RBMS3: variants seen among roughly 807,000 people sequenced by gnomAD.
RBMS3 encodes the protein RNA binding motif single stranded interacting protein 3.
A neutral mutation model predicts 66.8 loss-of-function variants in RBMS3; 27 were observed. The ratio of observed to expected loss-of-function variants is 0.40; its 90% CI spans 0.30 to 0.56. The LOEUF (loss-of-function observed/expected upper bound fraction) is 0.56. Among genes scored for constraint, RBMS3 ranks in the 20% least tolerant of loss-of-function variants. The probability of loss-of-function intolerance (pLI) is 0.40; values close to 1 mark genes in which losing one functional copy is unlikely to be tolerated. For synonymous variants in RBMS3, 188 were observed against 183.0 expected, an observed-to-expected ratio of 1.03 and a Z score of -0.22; for missense variants, 513 against 549.5, an observed-to-expected ratio of 0.93 and a Z score of 0.66.
At chr3:29,691,947 C>CTCTCTTTTTTTTTTTT (rs1218393454) in intron 4 of RBMS3, among the ~76,000 whole-genome samples, 1 of 53,546 alleles carries the variant, frequency 1.9e-5, no homozygotes, top group African/African-American at 7.5e-5. Flanking sequence ...CTCTCTCTCT[C>CTCTCTTTTTTTTTTTT]TATTTTTTTT....
intron 3 of RBMS3, among the ~76,000 whole-genome samples, chr3:29,517,658 T>C (rs2044698369): frequency 6.6e-6 from 1 of 152,182 alleles, no homozygotes; most frequent in Non-Finnish European, 1.5e-5. Flanking sequence ...GACAGTTGTC[T>C]ACTGCTACTG....
chr3:29,302,527 A>T (rs1483137931), intron 1 of RBMS3, among the ~76,000 whole-genome samples: 1 of 151,974 alleles, frequency 6.6e-6, no homozygotes, highest in Non-Finnish European at 1.5e-5. Flanking sequence ...GAAAAAAAAT[A>T]TATATGTATA....
At chr3:29,698,658 C>A in intron 4 of RBMS3, 1 of 974,366 alleles carries the variant, frequency 1.0e-6, no homozygotes, top group Non-Finnish European at 1.2e-6. Context: ...CCCAAGTCTT[C>A]TCATTTGCTT....
chr3:29,611,745 A>T (rs1430962495), intron 4 of RBMS3, among the ~76,000 whole-genome samples: 4 of 151,970 alleles, frequency 2.6e-5, no homozygotes, highest in African/African-American at 7.3e-5. Context: ...ATTAAAACAT[A>T]TTTTTAGGAA....
At chr3:29,980,302 G>A (rs530993794) in intron 12 of RBMS3, among the ~76,000 whole-genome samples, 159 of 152,286 alleles carry the variant, frequency 1.0e-3, no homozygotes, top group African/African-American at 3.6e-3. Context: ...TTGTAAATGT[G>A]TGTAAGTTAC....
chr3:29,698,933 C>T (rs1051529811), intron 4 of RBMS3, among the ~76,000 whole-genome samples: 4 of 152,124 alleles, frequency 2.6e-5, no homozygotes, highest in African/African-American at 7.2e-5. Context: ...GCTTTCTTCA[C>T]ATAACAACAT....
intron 3 of RBMS3, among the ~76,000 whole-genome samples, chr3:29,502,313 C>A (rs762632174): frequency 2.6e-5 from 4 of 152,056 alleles, no homozygotes; most frequent in Admixed American, 1.3e-4. Flanking sequence ...TGTCAAACAT[C>A]AAATGGTCAT....
intron 8 of RBMS3, among the ~76,000 whole-genome samples, chr3:29,890,189 T>A (rs1266188613): frequency 6.6e-6 from 1 of 151,638 alleles, no homozygotes; most frequent in African/African-American, 2.4e-5. Flanking sequence ...ACATTCCCAG[T>A]AGTAGGACAC....
At chr3:29,680,596 T>G (rs144154146) in intron 4 of RBMS3, among the ~76,000 whole-genome samples, 1 of 152,276 alleles carries the variant, frequency 6.6e-6, no homozygotes, top group East Asian at 1.9e-4. Context: ...AGGCATATAT[T>G]GTAAAATTTC....
chr3:29,564,176 T>A (rs2149053998), intron 3 of RBMS3, among the ~76,000 whole-genome samples: 1 of 152,162 alleles, frequency 6.6e-6, no homozygotes, highest in South Asian at 2.1e-4. Context: ...CTAATCTATA[T>A]TACAATAAAT....
chr3:29,302,037 T>C (rs2033709012), intron 1 of RBMS3, among the ~76,000 whole-genome samples: 2 of 151,974 alleles, frequency 1.3e-5, no homozygotes, highest in Non-Finnish European at 2.9e-5. Context: ...TTGAAGACAG[T>C]CTTACTCTGT....
At chr3:29,861,204 T>G (rs930282154) in intron 6 of RBMS3, among the ~76,000 whole-genome samples, 1 of 152,184 alleles carries the variant, frequency 6.6e-6, no homozygotes, top group African/African-American at 2.4e-5. Context: ...TAACTTTTAG[T>G]TTTTGAGATT....
chr3:29,874,261 A>G (rs2059558677), intron 7 of RBMS3, among the ~76,000 whole-genome samples: 1 of 152,212 alleles, frequency 6.6e-6, no homozygotes, highest in African/African-American at 2.4e-5. Context: ...TTTCAGAGAC[A>G]TAGAATTAAA....
At chr3:29,879,117 C>A (rs886938043) in intron 7 of RBMS3, among the ~76,000 whole-genome samples, 2 of 152,188 alleles carry the variant, frequency 1.3e-5, no homozygotes, top group Admixed American at 6.5e-5. Flanking sequence ...TTATACTACG[C>A]CAGTATTTTA....
At chr3:29,868,803 C>A in intron 6 of RBMS3, 55 bp from the exon 7 acceptor site, 1 of 1,395,388 alleles carries the variant, frequency 7.2e-7, no homozygotes, top group Non-Finnish European at 1.0e-6. Flanking sequence ...CTCACATAAT[C>A]ACTTAGTTTT....
intron 1 of RBMS3, among the ~76,000 whole-genome samples, chr3:29,355,580 T>C (rs149609844): frequency 1.3e-5 from 2 of 152,114 alleles, no homozygotes; most frequent in Admixed American, 6.6e-5. Context: ...GAAAAAATGT[T>C]GATGATACCT....
intron 3 of RBMS3, among the ~76,000 whole-genome samples, chr3:29,555,008 A>G (rs1302534026): frequency 2.6e-5 from 4 of 152,204 alleles, no homozygotes; most frequent in Non-Finnish European, 5.9e-5. Flanking sequence ...AAGTTCAAGG[A>G]AAGTTTATTA....
chr3:29,530,871 CAAA>C (rs5847575), intron 3 of RBMS3, among the ~76,000 whole-genome samples: 1 of 106,818 alleles, frequency 9.4e-6, no homozygotes, highest in Admixed American at 9.8e-5. Context: ...GATTCCATCT[CAAA>C]AAAAAAAAAA....
intron 2 of RBMS3, among the ~76,000 whole-genome samples, chr3:29,437,080 G>T (rs2041429863): frequency 6.6e-6 from 1 of 152,296 alleles, no homozygotes; most frequent in African/African-American, 2.4e-5. Flanking sequence ...AGTATCAGCA[G>T]TGTGCTGGAG....
Sources: allele counts gnomAD v4.1 joint callset (sites outside exome capture counted in the v4.1 genomes callset), GRCh38; gene constraint gnomAD v4.1.1; transcripts MANE v1.5; gene names NCBI Gene and HGNC (gene_info 2026-07-23, HGNC 2026-07-21).